Variants in GLTP observed in about 807,000 individuals in gnomAD.
GLTP encodes the protein glycolipid transfer protein.
GLTP carries 22 observed loss-of-function variants against 24.0 expected under a neutral mutation model. That is an observed-to-expected ratio of 0.92 (90% confidence interval 0.65 to 1.31). The LOEUF is 1.31. GLTP is among the 50% of genes most tolerant of loss of function. GLTP has a pLI of 0.00. For synonymous variants in GLTP, 92 were observed against 115.9 expected (o/e 0.79, Z 1.33); for missense variants, 224 against 276.6 (o/e 0.81, Z 1.35).
At chr12:109,873,185 A>T (rs1868779535) in intron 1 of GLTP, among the ~76,000 whole-genome samples, 1 of 150,540 alleles carries the variant, frequency 6.6e-6, no homozygotes, top group Non-Finnish European at 1.5e-5. Context: ...TTAACTTTAA[A>T]TTTAAAAAAA....
rs1364344834 is a variant in GLTP at position 109,851,659 on chromosome 12, T to C, written c.*896A>G. 4.6e-5 allele frequency: 7 copies of C among 152,310 alleles called. No homozygotes were observed. In the East Asian group the frequency reaches 1.3e-3, roughly 29 times the overall value. 9.4% of individuals were successfully genotyped at this position (152,310 alleles called of 1,614,324 possible). On this transcript the variant is annotated 3_prime_UTR_variant, in exon 5 of 5. Transcript: ENST00000318348. ...TTTTGTTGCCCAGGCTGGAATGCAG[T>C]GGCGCGATCTCGGCTACTGTAACCT... is the stretch of plus-strand genomic sequence containing the variant.
chr12:109,869,315 A>G (rs1868641516), intron 1 of GLTP, among the ~76,000 whole-genome samples: 1 of 148,432 alleles, frequency 6.7e-6, no homozygotes. Flanking sequence ...AAAAAAAAAA[A>G]AAAAAGAAAG....
intron 1 of GLTP, among the ~76,000 whole-genome samples, chr12:109,863,461 C>T (rs964141028): frequency 6.6e-6 from 1 of 152,132 alleles, no homozygotes. Flanking sequence ...GATGCCTGAC[C>T]CCAGTTGGTA....
At chr12:109,869,324 AGAAAG>A (rs1565899910) in intron 1 of GLTP, among the ~76,000 whole-genome samples, 16 of 148,838 alleles carry the variant, frequency 1.1e-4, no homozygotes, top group South Asian at 1.1e-3. Flanking sequence ...AAAAAAAGAA[AGAAAG>A]AAAGAAAGAA....
rs1892737801 is a variant in GLTP at position 109,852,437 on chromosome 12, T to C, written c.*118A>G. 6.2e-6 allele frequency: 4 copies of C among 644,026 alleles called. No homozygotes were observed. The highest frequency in any genetic ancestry group is 1.1e-5 in the Non-Finnish European group (4 of 355,912). 39.9% of individuals were successfully genotyped at this position (644,026 alleles called of 1,614,324 possible). The stretch of plus-strand genomic sequence containing the variant: ...TCCCCTGCAGACTCTGGCAGGACCC[T>C]GGGCTGCTCTGGGGGACACAGGCCA... On this transcript the variant is annotated 3_prime_UTR_variant, in exon 5 of 5. Transcript: ENST00000318348.
rs2136052389 is a variant in GLTP, at chr12:109,880,348, C to T, written c.27G>A (p.Leu9=). The change falls in exon 1 of 5, where the codon CTG becomes CTA. Residue 9 remains leucine (L), a synonymous_variant. Transcript: ENST00000318348. The surrounding 1 kb of genome is among the most constrained non-coding windows in gnomAD (Gnocchi z 5.1). The part of the protein sequence containing the change: MALLAEHL[L]KPLPADKQIE... ...TCTGCTTGTCCGCGGGCAGCGGCTT[C>T]AGCAAGTGTTCGGCCAGCAGCGCCA... 6.2e-7 allele frequency: 1 copy of T among 1,602,438 alleles called. No individual in the cohort carries two copies. The highest frequency in any genetic ancestry group is 8.5e-7 in the Non-Finnish European group (1 of 1,176,264).
At chr12:109,870,244 T>A (rs1254998281) in intron 1 of GLTP, among the ~76,000 whole-genome samples, 3 of 152,136 alleles carry the variant, frequency 2.0e-5, no homozygotes, top group Non-Finnish European at 4.4e-5. Flanking sequence ...AGCGGACAAA[T>A]CACCTGAGGT....
chr12:109,877,803 A>G (rs1380071918), intron 1 of GLTP, among the ~76,000 whole-genome samples: 1 of 152,198 alleles, frequency 6.6e-6, no homozygotes, highest in East Asian at 1.9e-4. Context: ...AATGATCTTG[A>G]TCAGACGTCC....
chr12:109,877,384 G>A (rs948616793), intron 1 of GLTP, among the ~76,000 whole-genome samples: 2 of 152,104 alleles, frequency 1.3e-5, no homozygotes, highest in African/African-American at 4.8e-5. Context: ...GATCTTCCTT[G>A]CAGAATTAAA....
At chr12:109,863,270 T>C (rs1389719920) in intron 1 of GLTP, among the ~76,000 whole-genome samples, 4 of 152,258 alleles carry the variant, frequency 2.6e-5, no homozygotes, top group Non-Finnish European at 5.9e-5. Flanking sequence ...TGTCAGGTTT[T>C]TTTTCTGCTC....
intron 1 of GLTP, among the ~76,000 whole-genome samples, chr12:109,876,479 T>C (rs1301420212): frequency 6.8e-6 from 1 of 146,662 alleles, no homozygotes; most frequent in African/African-American, 2.5e-5. Flanking sequence ...CTGGGTGACA[T>C]GGCAAGACAG....
chr12:109,871,640 T>C (rs1395308473), intron 1 of GLTP, among the ~76,000 whole-genome samples: 2 of 152,216 alleles, frequency 1.3e-5, no homozygotes, highest in Non-Finnish European at 2.9e-5. Context: ...TTTCCTCTTC[T>C]GGAAAATGGT....
At position 109,855,742 on chromosome 12, in the gene GLTP, G is replaced by A; in HGVS notation, c.324C>T (p.Leu108=). The change falls in exon 4 of 5, where the codon CTC becomes CTT. Residue 108 remains leucine (L), a synonymous_variant. Coordinates refer to ENST00000318348, the MANE Select transcript of GLTP (RefSeq NM_016433.4). The surrounding 1 kb of genome is among the most constrained non-coding windows in gnomAD (Gnocchi z 4.1). ...CCCGCTCCCCGTCGCAGATGCTCTG[G>A]AGGAAGACCTGGATGAAGCGGAGGC... ...KRGLRFIQVF[L]QSICDGERDE... is the part of the protein sequence containing the mutation. 6.2e-7 allele frequency: 1 copy of A among 1,607,052 alleles called. No individual in the cohort carries two copies. Among genetic ancestry groups the A allele is most frequent in the Non-Finnish European group, 8.5e-7 (1 of 1,176,816 alleles).
At chr12:109,861,994 G>T (rs1868378343) in intron 1 of GLTP, among the ~76,000 whole-genome samples, 1 of 152,196 alleles carries the variant, frequency 6.6e-6, no homozygotes, top group Non-Finnish European at 1.5e-5. Flanking sequence ...GGCTGGGGCT[G>T]CCACCTTGAC....
intron 1 of GLTP, among the ~76,000 whole-genome samples, chr12:109,879,945 A>T (rs1645608730): frequency 2.0e-5 from 3 of 151,816 alleles, no homozygotes; most frequent in Admixed American, 2.0e-4. Context: ...TGGATTACAG[A>T]ATGCCTAAGG....
rs1233690240 is a variant in GLTP, at chr12:109,851,309, C to T, written c.*1246G>A. ...TTGTGCCCTATAGCTTTGAAAGAAA[C>T]GCCTCTTGGTCATCAAGGGCTTGCT... On this transcript the variant is annotated 3_prime_UTR_variant, in exon 5 of 5. Transcript: ENST00000318348. 2.0e-5 allele frequency: 3 copies of T among 152,206 alleles called. No homozygotes were observed. The East Asian group carries it at 5.8e-4, about 29-fold the overall frequency. 9.4% of individuals were successfully genotyped at this position (152,206 alleles called of 1,614,324 possible). A position where few individuals can be genotyped will look rare whatever the true frequency, so the allele number is the denominator to read the frequency against.
At position 109,865,622 on chromosome 12, in the gene GLTP, C is replaced by T. The variant is rs192358047; in HGVS notation, c.104-6881G>A. ...GTTTGAAAAAAAAAAAAAATAGAGA[C>T]GGGGTCTTACTATTTTGCCCAGGCC... On this transcript the variant is annotated intron_variant, in intron 1 of 4. Coordinates refer to ENST00000318348, the MANE Select transcript of GLTP (RefSeq NM_016433.4). Among the ~76,000 whole-genome samples the T allele has an allele frequency of 2.6e-3, 386 of 151,352 alleles. 1 individual carries two copies. The highest frequency in any genetic ancestry group is 3.9e-3 in the Non-Finnish European group (265 of 67,868).
chr12:109,861,134 T>G (rs1202773485), intron 1 of GLTP, among the ~76,000 whole-genome samples: 1 of 151,976 alleles, frequency 6.6e-6, no homozygotes, highest in Non-Finnish European at 1.5e-5. Flanking sequence ...AGTGACCGCA[T>G]GAGGGCAGAA....
rs1869033771 is a variant in GLTP, at chr12:109,880,297, C to G, written c.78G>C (p.Ala26=). 6.2e-7 allele frequency: 1 copy of G among 1,604,330 alleles called. No homozygotes were observed. The highest frequency in any genetic ancestry group is 8.5e-7 in the Non-Finnish European group (1 of 1,176,348). Residue 26 remains alanine (A), a synonymous_variant, in exon 1 of 5, where the codon GCG becomes GCC. Coordinates refer to ENST00000318348, the MANE Select transcript of GLTP (RefSeq NM_016433.4). The surrounding 1 kb of genome is among the most constrained non-coding windows in gnomAD (Gnocchi z 5.1). ...CGAAGAAGGGCGGCAGGTGGGACAC[C>G]GCCTCGAGGAAGGGCCCGGTCTCGA... ...KQIETGPFLE[A]VSHLPPFFDC... is the part of the protein sequence containing the mutation.
Sources: allele counts gnomAD v4.1 joint callset (sites outside exome capture counted in the v4.1 genomes callset), GRCh38; gene constraint gnomAD v4.1.1; non-coding constraint Gnocchi (gnomAD v3.1); transcripts MANE v1.5; gene names NCBI Gene and HGNC (gene_info 2026-07-23, HGNC 2026-07-21).